Variants in RPL38 observed in about 807,000 individuals in gnomAD.
RPL38 encodes the protein ribosomal protein L38.
Under a neutral mutation model 12.8 loss-of-function variants are expected in RPL38, and 2 were observed. The observed-to-expected ratio is 0.16, with a 90% CI of 0.06 to 0.49. The LOEUF is 0.49. Among genes scored for constraint, RPL38 ranks in the 20% least tolerant of loss-of-function variants. The pLI is 0.96. For missense variants in RPL38, 52 were observed against 79.8 expected, an observed-to-expected ratio of 0.65 and a Z score of 1.33; for synonymous variants, 42 against 30.1, an observed-to-expected ratio of 1.39 and a Z score of -1.29.
In RPL38 at chr17:74,204,026, A is replaced by G. The variant is rs753703269; in HGVS notation, c.3+68A>G. On this transcript the variant is annotated intron_variant, in intron 2 of 4. Transcript: ENST00000311111. ...TGGGGCCCCGGGGCGAGGGCGAGAG[A>G]GCCTCCCAAGGATCTCCTGAGGCCG... 43 of 1,612,114 alleles carry G rather than the reference A, an allele frequency of 2.7e-5. 1 individual carries two copies. Among genetic ancestry groups the G allele is most frequent in the Admixed American group, 3.3e-5 (2 of 59,902 alleles).
chr17:74,204,107 C>T (rs377686637), intron 2 of RPL38, 23 bp from the exon 3 acceptor site: 8 of 1,613,956 alleles, frequency 5.0e-6, no homozygotes, highest in Non-Finnish European at 6.8e-6. Context: ...CCTCTCTGTT[C>T]ACCCGCTTCC....
chr17:74,206,708 CT>C (rs35333460), intron 3 of RPL38, among the ~76,000 whole-genome samples: 1,052 of 101,546 alleles, frequency 0.01, 1 homozygote, highest in Non-Finnish European at 0.016. Context: ...TTTTTTCTTT[CT>C]TTTTTTTTTT....
In RPL38 at chr17:74,204,089, G is replaced by T. The variant is rs372800150; in HGVS notation, c.4-41G>T. The T allele has an allele frequency of 4.3e-6, 7 of 1,613,214 alleles. 1 individual carries two copies. The highest frequency in any genetic ancestry group is 3.3e-4 in the Middle Eastern group (2 of 6,058). On this transcript the variant is annotated intron_variant, in intron 2 of 4. Coordinates refer to ENST00000311111, the MANE Select transcript of RPL38 (RefSeq NM_000999.4). ...GGACTGGGCCATCGCCGGGAGACGT[G>T]TCTCTTTCCTCTCTGTTCACCCGCT...
At chr17:74,207,160 C>T (rs1480077708) in intron 3 of RPL38, among the ~76,000 whole-genome samples, 3 of 151,946 alleles carry the variant, frequency 2.0e-5, no homozygotes, top group Non-Finnish European at 2.9e-5. Flanking sequence ...TACAGGCATG[C>T]GCCACCACAC....
In RPL38 at chr17:74,203,705, C is replaced by T. The variant is rs572773868; in HGVS notation, c.-79C>T. On this transcript the variant is annotated 5_prime_UTR_variant, in exon 1 of 5. Coordinates refer to ENST00000311111, the MANE Select transcript of RPL38 (RefSeq NM_000999.4). ...TTTTCGTCCTTTTCCCCGGTTGCTG[C>T]TTGCTGTGAGTGTCTCTAGGGTGAT... The T allele has an allele frequency of 2.5e-5, 13 of 512,552 alleles. No homozygotes were observed. In the South Asian group the frequency reaches 3.3e-4, roughly 13 times the overall value. 31.8% of individuals were successfully genotyped at this position (512,552 alleles called of 1,614,324 possible).
intron 3 of RPL38, among the ~76,000 whole-genome samples, chr17:74,207,244 T>G (rs1177084754): frequency 1.3e-5 from 2 of 152,134 alleles, no homozygotes; most frequent in Non-Finnish European, 2.9e-5. Context: ...CCTCAAGCAG[T>G]CCTCCCACCT....
At chr17:74,208,272 A>AG (rs2050133229) in intron 3 of RPL38, among the ~76,000 whole-genome samples, 1 of 152,206 alleles carries the variant, frequency 6.6e-6, no homozygotes, top group South Asian at 2.1e-4. Context: ...ACTCCTGGGA[A>AG]GGGGTTGTCT....
rs146581034 is a variant in RPL38 at position 74,207,765 on chromosome 17, C to T, written c.65-1422C>T. On this transcript the variant is annotated intron_variant, in intron 3 of 4. Transcript: ENST00000311111. ...AGGTGATCCACCCACCTCAGCCTCC[C>T]AAAGTGCTGGGATTACAGGCGTGAA... Among the ~76,000 whole-genome samples, 1,396 of 152,208 alleles carry T rather than the reference C, an allele frequency of 9.2e-3. 26 individuals carry two copies. Among genetic ancestry groups the T allele is most frequent in the African/African-American group, 0.032 (1,329 of 41,502 alleles).
intron 3 of RPL38, chr17:74,206,151 G>A (rs181081014): frequency 2.0e-5 from 3 of 152,284 alleles, no homozygotes; most frequent in South Asian, 2.1e-4. Context: ...AATTTTTAAC[G>A]TGTAATAGGC....
At chr17:74,207,456 A>G (rs1281024503) in intron 3 of RPL38, among the ~76,000 whole-genome samples, 1 of 152,192 alleles carries the variant, frequency 6.6e-6, no homozygotes, top group Non-Finnish European at 1.5e-5. Context: ...TGTGGTTGCT[A>G]TCTGTTCTTT....
chr17:74,209,105 C>T, intron 3 of RPL38, 82 bp from the exon 4 acceptor site: 2 of 1,477,784 alleles, frequency 1.4e-6, no homozygotes, highest in Non-Finnish European at 1.9e-6. Flanking sequence ...ATGCTGCTTA[C>T]TGCTTGAGTG....
chr17:74,209,913 A>G lies in RPL38; in HGVS notation c.*84A>G. Reference sequence around the variant, plus strand: ...TCGTCTTTGCGGATGGGAAAGGGAAAAATGCTACCTCGTAGTGGCTTCTGA... The same window carrying G: ...TCGTCTTTGCGGATGGGAAAGGGAAGAATGCTACCTCGTAGTGGCTTCTGA... On this transcript the variant is annotated 3_prime_UTR_variant, in exon 5 of 5. Transcript: ENST00000311111. The G allele has an allele frequency of 8.5e-7, 1 of 1,170,196 alleles. No individual in the cohort carries two copies. The highest frequency in any genetic ancestry group is 2.3e-5 in the East Asian group (1 of 42,730). 72.5% of individuals were successfully genotyped at this position (1,170,196 alleles called of 1,614,324 possible).
chr17:74,203,773 G>A (rs2050082559), intron 1 of RPL38, 28 bp downstream of exon 1: 4 of 693,964 alleles, frequency 5.8e-6, no homozygotes, highest in Non-Finnish European at 9.7e-6. Context: ...ACTGCCAGGT[G>A]AAATCTGGGG....
intron 3 of RPL38, among the ~76,000 whole-genome samples, chr17:74,207,429 G>A (rs1198886298): frequency 6.6e-6 from 1 of 152,202 alleles, no homozygotes; most frequent in Non-Finnish European, 1.5e-5. Context: ...CTGAACATGT[G>A]TGTGCAAATA....
chr17:74,205,598 A>G (rs193044004), intron 3 of RPL38: 2 of 152,176 alleles, frequency 1.3e-5, no homozygotes, highest in Non-Finnish European at 2.9e-5. Flanking sequence ...GTGTAAAGAG[A>G]TGAGGTTATC....
rs765902425 is a variant in RPL38, at chr17:74,203,915, C to T, written c.-38-3C>T. On this transcript the variant is annotated splice_region_variant and splice_polypyrimidine_tract_variant and intron_variant, in intron 1 of 4. Transcript: ENST00000311111. ...TGTTAACGCCGAGGACTGTTTCCCGCAGGTCCTGGTCCGCGCCAGAGCCCA... is the reference window on the plus strand; with the variant it reads ...TGTTAACGCCGAGGACTGTTTCCCGTAGGTCCTGGTCCGCGCCAGAGCCCA... 2.2e-5 allele frequency: 35 copies of T among 1,588,038 alleles called. No homozygotes were observed. The East Asian group carries it at 7.9e-4, about 36-fold the overall frequency.
chr17:74,208,750 A>G (rs1339123764), intron 3 of RPL38, among the ~76,000 whole-genome samples: 2 of 152,192 alleles, frequency 1.3e-5, no homozygotes, highest in Non-Finnish European at 2.9e-5. Flanking sequence ...CCTGGCAAAC[A>G]TGGTGAAACC....
At position 74,203,979 on chromosome 17, in the gene RPL38, G is replaced by A. The variant is rs142188071; in HGVS notation, c.3+21G>A. ...CCATGGTGAGTACAGTCCCTGCCTG[G>A]CGCCTTCCCGGGGTGGGCTCGTGGG... is the stretch of plus-strand genomic sequence containing the variant. On this transcript the variant is annotated intron_variant, in intron 2 of 4. Transcript: ENST00000311111. 1.7e-4 allele frequency: 277 copies of A among 1,612,950 alleles called. No homozygotes were observed. The African/African-American group carries it at 3.3e-3, about 19-fold the overall frequency.
chr17:74,205,429 T>A (rs886940448), intron 3 of RPL38: 16 of 152,104 alleles, frequency 1.1e-4, no homozygotes, highest in Non-Finnish European at 2.1e-4. Context: ...AGACGGTGGT[T>A]GGTGTACAGG....
Sources: gnomAD v4.1 joint callset for allele counts (sites outside exome capture counted in the v4.1 genomes callset) on GRCh38, gnomAD v4.1.1 for gene constraint, MANE v1.5 for transcripts, NCBI Gene and HGNC (gene_info 2026-07-23, HGNC 2026-07-21) for gene names.